The following NAALADL2 variants were observed in gnomAD, a reference collection of about 807,000 sequenced individuals.
The protein encoded by NAALADL2 is inactive N-acetylated-alpha-linked acidic dipeptidase-like protein 2.
Under a neutral mutation model 87.2 loss-of-function variants are expected in NAALADL2, and 76 were observed. The observed-to-expected ratio is 0.87, with a 90% confidence interval of 0.72 to 1.05. The LOEUF is 1.05. NAALADL2 is among the 50% of genes least tolerant of loss of function. The probability of loss-of-function intolerance (pLI) is 0.00; values close to 1 mark genes in which losing one functional copy is unlikely to be tolerated. For missense variants in NAALADL2, 1,089 were observed against 945.8 expected (o/e 1.15, Z -1.99); for synonymous variants, 354 against 331.0 (o/e 1.07, Z -0.75).
chr3:175,735,518 G>A (rs983280355), intron 11 of NAALADL2, among the ~76,000 whole-genome samples: 1 of 152,174 alleles, frequency 6.6e-6, no homozygotes, highest in Non-Finnish European at 1.5e-5. Flanking sequence ...GAGGTTTAAT[G>A]GAAAACTCAC....
intron 2 of NAALADL2, among the ~76,000 whole-genome samples, chr3:175,153,080 C>T (rs1296362520): frequency 1.3e-5 from 2 of 151,962 alleles, no homozygotes; most frequent in Non-Finnish European, 2.9e-5. Flanking sequence ...CTTATTTTCT[C>T]TTATATTTTT....
intron 1 of NAALADL2, among the ~76,000 whole-genome samples, chr3:174,549,883 A>G (rs1711912388): frequency 6.6e-6 from 1 of 151,986 alleles, no homozygotes; most frequent in African/African-American, 2.4e-5. Context: ...ATTCCATAAC[A>G]GTGGTTTTTT....
At chr3:174,867,615 T>C (rs1727318675) in intron 1 of NAALADL2, among the ~76,000 whole-genome samples, 1 of 152,036 alleles carries the variant, frequency 6.6e-6, no homozygotes, top group Non-Finnish European at 1.5e-5. Flanking sequence ...AAAAAAAGCA[T>C]AAAATGCACA....
intron 2 of NAALADL2, among the ~76,000 whole-genome samples, chr3:175,121,986 G>A (rs1332746445): frequency 6.6e-6 from 1 of 151,662 alleles, no homozygotes; most frequent in African/African-American, 2.4e-5. Flanking sequence ...CCACAATGGC[G>A]ACACATTGTA....
intron 2 of NAALADL2, among the ~76,000 whole-genome samples, chr3:174,694,694 ACT>A (rs1728867879): frequency 6.6e-6 from 1 of 151,852 alleles, no homozygotes; most frequent in East Asian, 1.9e-4. Context: ...CTTTGAAGAG[ACT>A]CTTTATACAT....
intron 3 of NAALADL2, among the ~76,000 whole-genome samples, chr3:174,840,568 T>G (rs1723914022): frequency 6.6e-6 from 1 of 152,168 alleles, no homozygotes; most frequent in African/African-American, 2.4e-5. Context: ...TAGATGTACT[T>G]TTTCTCAAAG....
At chr3:175,778,455 G>A (rs1163986628) in intron 13 of NAALADL2, among the ~76,000 whole-genome samples, 2 of 152,070 alleles carry the variant, frequency 1.3e-5, no homozygotes, top group Admixed American at 1.3e-4. Flanking sequence ...AGTTCCTTTT[G>A]GAAAAACTCT....
chr3:174,612,607 A>G lies in NAALADL2; in HGVS notation c.-115+61970A>G, dbSNP rs1483635115. On this transcript the variant is annotated intron_variant, in intron 2 of 3. Coordinates refer to the NAALADL2 transcript ENST00000434257. ...ATGCATTCTTCCATATTTGAATTGC[A>G]TTTTTAGCTCCAGAATTTCTACTTG... Among the ~76,000 whole-genome samples the G allele has an allele frequency of 3.3e-5, 5 of 151,976 alleles. No homozygotes were observed. In the East Asian group the frequency reaches 9.7e-4, roughly 29 times the overall value.
intron 3 of NAALADL2, among the ~76,000 whole-genome samples, chr3:174,773,093 C>T (rs1714782614): frequency 6.6e-6 from 1 of 151,992 alleles, no homozygotes; most frequent in South Asian, 2.1e-4. Context: ...AAAGTGACAG[C>T]AGTCATGCAG....
intron 1 of NAALADL2, among the ~76,000 whole-genome samples, chr3:174,478,623 G>A (rs960556961): frequency 1.3e-5 from 2 of 151,886 alleles, no homozygotes; most frequent in African/African-American, 4.8e-5. Context: ...GTATTTATGG[G>A]TAATTAACAA....
At chr3:175,283,247 G>A (rs1055648771) in intron 4 of NAALADL2, among the ~76,000 whole-genome samples, 1 of 151,972 alleles carries the variant, frequency 6.6e-6, no homozygotes, top group Non-Finnish European at 1.5e-5. Context: ...TCCGTTTACC[G>A]AGTGACCAGG....
At chr3:175,229,734 A>C (rs142118611) in intron 2 of NAALADL2, among the ~76,000 whole-genome samples, 3 of 152,108 alleles carry the variant, frequency 2.0e-5, no homozygotes, top group African/African-American at 7.2e-5. Flanking sequence ...CTACAGCAAT[A>C]ATATTAAGGA....
At chr3:175,707,879 A>G (rs1372813642) in intron 11 of NAALADL2, among the ~76,000 whole-genome samples, 1 of 152,106 alleles carries the variant, frequency 6.6e-6, no homozygotes, top group African/African-American at 2.4e-5. Flanking sequence ...GCTGATGGAA[A>G]GAAAAACTGT....
rs1004032844 is a variant in NAALADL2, at chr3:175,309,607, G to GT, written c.940-14558dup. Among the ~76,000 whole-genome samples, 612 of 147,566 alleles carry GT rather than the reference G, an allele frequency of 4.1e-3. 6 individuals are homozygous for GT. Among genetic ancestry groups the GT allele is most frequent in the East Asian group, 0.033 (165 of 5,038 alleles). On this transcript the variant is annotated intron_variant, in intron 4 of 13. Transcript: ENST00000454872. The stretch of plus-strand genomic sequence containing the variant: ...GAAACTTTTGTTTTTCAGGATAACT[G>GT]TTTTTTTTTTCAGCTTCCCTGACAC...
intron 5 of NAALADL2, among the ~76,000 whole-genome samples, chr3:175,330,334 C>A (rs1761249143): frequency 6.6e-6 from 1 of 152,002 alleles, no homozygotes; most frequent in Admixed American, 6.6e-5. Context: ...GTCCCAGCTA[C>A]TTGGGAGGCT....
intron 2 of NAALADL2, among the ~76,000 whole-genome samples, chr3:175,226,360 A>G (rs958747039): frequency 1.3e-5 from 2 of 152,118 alleles, no homozygotes; most frequent in Non-Finnish European, 2.9e-5. Context: ...TCATGAGCAT[A>G]AAGATTTATT....
chr3:175,459,149 A>C (rs1486718616), intron 6 of NAALADL2, among the ~76,000 whole-genome samples: 1 of 152,122 alleles, frequency 6.6e-6, no homozygotes, highest in African/African-American at 2.4e-5. Context: ...ATACCACCCG[A>C]AGTTACCATA....
At position 174,733,344 on chromosome 3, in the gene NAALADL2, C is replaced by A. The variant is rs181949267; in HGVS notation, c.-114-4297C>A. On this transcript the variant is annotated intron_variant, in intron 2 of 3. Coordinates refer to the NAALADL2 transcript ENST00000434257. ...GTTCATTTCATTTAGTAAAGAGAAT[C>A]CTTAATGTTGGGATAGGAAAAGCAA... 4.6e-5 allele frequency among the ~76,000 whole-genome samples: 7 copies of A among 152,302 alleles called. No homozygotes were observed. In the East Asian group the frequency reaches 1.3e-3, roughly 29 times the overall value.
chr3:174,548,370 A>G (rs1711632539), intron 1 of NAALADL2, among the ~76,000 whole-genome samples: 1 of 152,204 alleles, frequency 6.6e-6, no homozygotes, highest in Admixed American at 6.5e-5. Flanking sequence ...AAATTAATGT[A>G]CATATGCACA....
Sources: allele counts gnomAD v4.1 joint callset (sites outside exome capture counted in the v4.1 genomes callset), GRCh38; gene constraint gnomAD v4.1.1; transcripts MANE v1.5; gene names NCBI Gene and HGNC (gene_info 2026-07-23, HGNC 2026-07-21).